CYB5D1: variants seen among roughly 807,000 people sequenced by gnomAD.
CYB5D1 encodes the protein cytochrome b5 domain-containing protein 1.
In CYB5D1, 30 loss-of-function variants were observed where a neutral mutation model predicts 24.3. The observed-to-expected ratio is 1.23, with a 90% CI of 0.92 to 1.67. The LOEUF (loss-of-function observed/expected upper bound fraction) is 1.67. Among genes scored for constraint, CYB5D1 ranks in the 40% most tolerant of loss-of-function variants. CYB5D1 has a pLI of 0.00. For synonymous variants in CYB5D1, 128 were observed against 123.2 expected (o/e 1.04, Z -0.26); for missense variants, 265 against 296.7 (o/e 0.89, Z 0.79).
chr17:7,858,142 G>A lies in CYB5D1; in HGVS notation c.8G>A (p.Arg3His), dbSNP rs774217747. The A allele has an allele frequency of 6.2e-7, 1 of 1,613,428 alleles. No individual in the cohort carries two copies. The highest frequency in any genetic ancestry group is 1.7e-4 in the Middle Eastern group (1 of 6,038). MP[R>H]RGLVAGPDLE... ...ACCGACAGAGCAAGAGCCATGCCGC[G>A]CCGGGGCCTGGTGGCTGGGCCAGAC... The change falls in exon 1 of 4, where the codon CGC (arginine) becomes CAC (histidine). Residue 3 changes from arginine to histidine, a missense_variant. Coordinates refer to ENST00000332439, the MANE Select transcript of CYB5D1 (RefSeq NM_144607.6).
chr17:7,858,563 T>C (rs1162824423), intron 2 of CYB5D1, 43 bp from the exon 3 acceptor site: 10 of 1,610,220 alleles, frequency 6.2e-6, no homozygotes, highest in Non-Finnish European at 8.5e-6. Flanking sequence ...AGCCAGAGCC[T>C]AATGGCTGCT....
chr17:7,859,069 G>A, intron 3 of CYB5D1: 1 of 571,642 alleles, frequency 1.7e-6, no homozygotes, highest in Non-Finnish European at 3.1e-6. Context: ...GTATCTTAGT[G>A]ATGGTGGTCC....
rs1476787147 is a variant in CYB5D1 at position 7,858,465 on chromosome 17, C to T, written c.223C>T (p.Pro75Ser). ...CCAGGATATCAGCCACTGGTTTGATCCAAAGACCAGAGACGTGAGTTATGC... is the reference window on the plus strand; with the variant it reads ...CCAGGATATCAGCCACTGGTTTGATTCAAAGACCAGAGACGTGAGTTATGC... Reference protein sequence around the residue: ...AGQDISHWFDPKTRDIRKHID... With the variant: ...AGQDISHWFDSKTRDIRKHID... Residue 75 changes from proline to serine, a missense_variant, in exon 2 of 4, where the codon CCA (proline) becomes TCA (serine). Transcript: ENST00000332439. 6.2e-7 allele frequency: 1 copy of T among 1,614,134 alleles called. No homozygotes were observed. The highest frequency in any genetic ancestry group is 8.5e-7 in the Non-Finnish European group (1 of 1,180,020).
In CYB5D1 at chr17:7,858,266, C is replaced by T; in HGVS notation, c.132C>T (p.Asp44=). Residue 44 remains aspartate, a synonymous_variant, in exon 1 of 4, where the codon GAC becomes GAT. Transcript: ENST00000332439. The part of the protein sequence containing the change: ...LWVSYLGRVY[D]LTSLAQEYKG... ...TATCTTACCTGGGACGCGTGTACGA[C>T]CTAACGTCATTGGCACAGGAATACA... 6.2e-7 allele frequency: 1 copy of T among 1,614,016 alleles called. No individual in the cohort carries two copies. Among genetic ancestry groups the T allele is most frequent in the East Asian group, 2.2e-5 (1 of 44,890 alleles).
rs1327486962 is a variant in CYB5D1, at chr17:7,860,516, A to G, written c.*904A>G. 1 of 152,236 alleles carries G rather than the reference A, an allele frequency of 6.6e-6. No homozygotes were observed. Among genetic ancestry groups the G allele is most frequent in the East Asian group, 1.9e-4 (1 of 5,200 alleles). The allele number at this position is 152,236 out of a possible 1,614,324, so 9.4% of individuals were successfully genotyped here. On this transcript the variant is annotated 3_prime_UTR_variant, in exon 4 of 4. Coordinates refer to ENST00000332439, the MANE Select transcript of CYB5D1 (RefSeq NM_144607.6). Reference sequence around the variant, plus strand: ...TTAATAGCTCAAAGCCACACTAGGTAGTAACCACTAGAGCCAGAATGCAAA... The same window carrying G: ...TTAATAGCTCAAAGCCACACTAGGTGGTAACCACTAGAGCCAGAATGCAAA...
At chr17:7,858,333 G>C in intron 1 of CYB5D1, 39 bp downstream of exon 1, 1 of 1,614,052 alleles carries the variant, frequency 6.2e-7, no homozygotes, top group Non-Finnish European at 8.5e-7. Context: ...GAGTGTGTGT[G>C]TGTGCACGCG....
intron 3 of CYB5D1, chr17:7,859,141 G>C (rs2078862298): frequency 3.4e-6 from 2 of 593,888 alleles, no homozygotes. Flanking sequence ...CTACTCTGTT[G>C]CATGGATATA....
At position 7,858,781 on chromosome 17, in the gene CYB5D1, T is replaced by C; in HGVS notation, c.413T>C (p.Ile138Thr). Residue 138 changes from isoleucine to threonine, a missense_variant, in exon 3 of 4, where the codon ATC (isoleucine) becomes ACC (threonine). Coordinates refer to ENST00000332439, the MANE Select transcript of CYB5D1 (RefSeq NM_144607.6). Reference sequence around the variant, plus strand: ...CGGCTGTCTGCCAAGACCCGGAGCATCCGCATCATTAACACGCTCACGTCG... The same window carrying C: ...CGGCTGTCTGCCAAGACCCGGAGCACCCGCATCATTAACACGCTCACGTCG... Reference protein sequence around the residue: ...VGRLSAKTRSIRIINTLTSQE... With the variant: ...VGRLSAKTRSTRIINTLTSQE... The C allele has an allele frequency of 6.3e-7, 1 of 1,579,612 alleles. No homozygotes were observed. Among genetic ancestry groups the C allele is most frequent in the African/African-American group, 1.4e-5 (1 of 73,964 alleles).
In CYB5D1 at chr17:7,859,514, C is replaced by T. The variant is rs62059715; in HGVS notation, c.589C>T (p.Arg197Trp). ...TTTTACCCTGGAAGAGAATGGGATC[C>T]GGGATGAGGAGGAAGAATTTGACTA... ...MDFTLEENGIRDEEEEFDYLS... is the reference protein window; with the variant it reads ...MDFTLEENGIWDEEEEFDYLS... The change falls in exon 4 of 4, where the codon CGG becomes TGG. Residue 197 changes from arginine to tryptophan, a missense_variant. Physicochemically the swap from Arg to Trp is moderately radical, Grantham distance 101. Transcript: ENST00000332439. 1.9e-3 allele frequency: 3,031 copies of T among 1,614,064 alleles called. 8 individuals are homozygous for T. Among genetic ancestry groups the T allele is most frequent in the Admixed American group, 2.6e-3 (154 of 60,000 alleles).
rs1176184986 is a variant in CYB5D1 at position 7,858,095 on chromosome 17, G to A, written c.-40G>A. Reference sequence around the variant, plus strand: ...TAGTGAGTACGTGCTGAGGAGCAAAGGAGTAACCAAGAGATCCAGTGACCG... The same window carrying A: ...TAGTGAGTACGTGCTGAGGAGCAAAAGAGTAACCAAGAGATCCAGTGACCG... On this transcript the variant is annotated 5_prime_UTR_variant, in exon 1 of 4. Transcript: ENST00000332439. The A allele has an allele frequency of 6.2e-7, 1 of 1,610,208 alleles. No individual in the cohort carries two copies. The highest frequency in any genetic ancestry group is 8.5e-7 in the Non-Finnish European group (1 of 1,179,130).
intron 3 of CYB5D1, chr17:7,859,128 A>C: frequency 1.7e-6 from 1 of 577,604 alleles, no homozygotes; most frequent in Non-Finnish European, 3.1e-6. Flanking sequence ...CTTTCTTTTT[A>C]ATCTACTCTG....
Position 7,859,699 on chromosome 17 carries a change from G to C in CYB5D1, c.*87G>C, listed in dbSNP as rs1451778570. On this transcript the variant is annotated 3_prime_UTR_variant, in exon 4 of 4. Coordinates refer to ENST00000332439, the MANE Select transcript of CYB5D1 (RefSeq NM_144607.6). ...TTGAGGAAAAGTGGTGGGGCCGAGG[G>C]GTGCCTGGACCCAGATCTCCACTCC... is the stretch of plus-strand genomic sequence containing the variant. The C allele has an allele frequency of 4.2e-5, 53 of 1,249,040 alleles. No homozygotes were observed. The highest frequency in any genetic ancestry group is 2.9e-5 in the African/African-American group (2 of 67,884). 77.4% of individuals were successfully genotyped at this position (1,249,040 alleles called of 1,614,324 possible).
rs964248960 is a variant in CYB5D1 at position 7,860,748 on chromosome 17, C to T, written c.*1136C>T. 1 of 152,204 alleles carries T rather than the reference C, an allele frequency of 6.6e-6. No individual in the cohort carries two copies. The highest frequency in any genetic ancestry group is 6.5e-5 in the Admixed American group (1 of 15,272). The allele number at this position is 152,204 out of a possible 1,614,324, so 9.4% of individuals were successfully genotyped here. On this transcript the variant is annotated 3_prime_UTR_variant, in exon 4 of 4. Transcript: ENST00000332439. ...CTGGAAGGGAGTTTGCAGAGTTCTC[C>T]TGTGGCGAAGAGGAGGCAAGGAAGG... is the stretch of plus-strand genomic sequence containing the variant.
chr17:7,859,927 G>C lies in CYB5D1; in HGVS notation c.*315G>C. The C allele has an allele frequency of 1.0e-5, 3 of 296,082 alleles. No individual in the cohort carries two copies. The South Asian group carries it at 1.5e-4, about 15-fold the overall frequency. The allele number at this position is 296,082 out of a possible 1,614,324, so 18.3% of individuals were successfully genotyped here. The stretch of plus-strand genomic sequence containing the variant: ...AGTTAAGAGAGAGTAGTTCTACAGG[G>C]GTGAGGGATGGAAGGACTTTTTTGG... On this transcript the variant is annotated 3_prime_UTR_variant, in exon 4 of 4. Coordinates refer to ENST00000332439, the MANE Select transcript of CYB5D1 (RefSeq NM_144607.6).
chr17:7,859,685 T>C lies in CYB5D1; in HGVS notation c.*73T>C. The stretch of plus-strand genomic sequence containing the variant: ...GCTTTTTCTGTGCCTTGAGGAAAAG[T>C]GGTGGGGCCGAGGGGTGCCTGGACC... On this transcript the variant is annotated 3_prime_UTR_variant, in exon 4 of 4. Coordinates refer to ENST00000332439, the MANE Select transcript of CYB5D1 (RefSeq NM_144607.6). 2.1e-6 allele frequency: 3 copies of C among 1,429,022 alleles called. No homozygotes were observed. Among genetic ancestry groups the C allele is most frequent in the Non-Finnish European group, 2.9e-6 (3 of 1,020,502 alleles). The allele number at this position is 1,429,022 out of a possible 1,614,324, so 88.5% of individuals were successfully genotyped here.
rs944376227 is a variant in CYB5D1, at chr17:7,859,585, C to T, written c.660C>T (p.Tyr220=). ...GTLHTPAILL[Y]FNDDLTEL ...TTCACACACCTGCAATACTTCTGTA[C>T]TTCAATGATGATCTCACGGAGTTGT... The change falls in exon 4 of 4, where the codon TAC becomes TAT. Residue 220 remains tyrosine (Y), a synonymous_variant. Coordinates refer to ENST00000332439, the MANE Select transcript of CYB5D1 (RefSeq NM_144607.6). The T allele has an allele frequency of 6.2e-7, 1 of 1,614,128 alleles. No individual in the cohort carries two copies. The highest frequency in any genetic ancestry group is 1.3e-5 in the African/African-American group (1 of 75,054).
chr17:7,859,704 C>A lies in CYB5D1; in HGVS notation c.*92C>A. The A allele has an allele frequency of 8.7e-7, 1 of 1,152,748 alleles. No individual in the cohort carries two copies. The highest frequency in any genetic ancestry group is 1.8e-5 in the Admixed American group (1 of 55,714). The allele number at this position is 1,152,748 out of a possible 1,614,324, so 71.4% of individuals were successfully genotyped here. A position where few individuals can be genotyped will look rare whatever the true frequency, so the allele number is the denominator to read the frequency against. On this transcript the variant is annotated 3_prime_UTR_variant, in exon 4 of 4. Transcript: ENST00000332439. ...GAAAAGTGGTGGGGCCGAGGGGTGC[C>A]TGGACCCAGATCTCCACTCCTCTCC...
Position 7,858,194 on chromosome 17 carries a change from C to A in CYB5D1, c.60C>A (p.Phe20Leu), listed in dbSNP as rs12453250. 0.14 allele frequency: 221,350 copies of A among 1,613,778 alleles called. 18,660 individuals are homozygous for A. Among genetic ancestry groups the A allele is most frequent in the African/African-American group, 0.3 (22,375 of 74,940 alleles). The change falls in exon 1 of 4, where the codon TTC (phenylalanine) becomes TTA (leucine). Residue 20 changes from phenylalanine (F) to leucine (L), a missense_variant. Phe to Leu is a conservative substitution (Grantham distance 22). Coordinates refer to ENST00000332439, the MANE Select transcript of CYB5D1 (RefSeq NM_144607.6). ...TGGAGTATTTTCAGCGTCGCTATTT[C>A]ACGCCGGCGGAGGTGGCCCAACATA... ...PDLEYFQRRY[F>L]TPAEVAQHNR...
Position 7,860,050 on chromosome 17 carries a change from G to C in CYB5D1, c.*438G>C. ...ACAAAGCTGGCTTATCTTACTTGTAGAAGAGTGTTTGGCAGCTGAAACCCA... is the reference window on the plus strand; with the variant it reads ...ACAAAGCTGGCTTATCTTACTTGTACAAGAGTGTTTGGCAGCTGAAACCCA... On this transcript the variant is annotated 3_prime_UTR_variant, in exon 4 of 4. Coordinates refer to ENST00000332439, the MANE Select transcript of CYB5D1 (RefSeq NM_144607.6). The C allele has an allele frequency of 1.6e-5, 3 of 184,152 alleles. No individual in the cohort carries two copies. In the South Asian group the frequency reaches 3.1e-4, roughly 19 times the overall value. 11.4% of individuals were successfully genotyped at this position (184,152 alleles called of 1,614,324 possible).
Sources: gnomAD v4.1 joint callset for allele counts on GRCh38, gnomAD v4.1.1 for gene constraint, MANE v1.5 for transcripts, NCBI Gene and HGNC (gene_info 2026-07-23, HGNC 2026-07-21) for gene names.